PIK3CB: variants seen among roughly 807,000 people sequenced by gnomAD.
PIK3CB encodes phosphatidylinositol 4,5-bisphosphate 3-kinase catalytic subunit beta isoform.
A neutral mutation model predicts 136.8 loss-of-function variants in PIK3CB; 39 were observed. That is an observed-to-expected ratio of 0.29 (90% CI 0.22 to 0.37). PIK3CB has a LOEUF of 0.37. PIK3CB is among the 10% of genes least tolerant of loss of function. The probability of loss-of-function intolerance (pLI) is 1.00; values close to 1 mark genes in which losing one functional copy is unlikely to be tolerated. For missense variants in PIK3CB, 868 were observed against 1,275.4 expected, an observed-to-expected ratio of 0.68 and a Z score of 4.87; for synonymous variants, 428 against 436.6, an observed-to-expected ratio of 0.98 and a Z score of 0.25.
intron 19 of PIK3CB, among the ~76,000 whole-genome samples, chr3:138,672,060 G>GA (rs1274132540): frequency 3.3e-5 from 5 of 150,856 alleles, no homozygotes; most frequent in Non-Finnish European, 3.0e-5. Context: ...AGGCAAAAAG[G>GA]AAAAAAAAGG....
intron 16 of PIK3CB, among the ~76,000 whole-genome samples, chr3:138,686,011 C>T (rs1464148500): frequency 6.6e-6 from 1 of 151,830 alleles, no homozygotes; most frequent in Non-Finnish European, 1.5e-5. Flanking sequence ...GTGGTGTGCA[C>T]CTGTAATCCC....
chr3:138,802,393 A>G (rs2046187283), intron 1 of PIK3CB, among the ~76,000 whole-genome samples: 1 of 151,692 alleles, frequency 6.6e-6, no homozygotes, highest in Admixed American at 6.6e-5. Flanking sequence ...AAAGAAAGAA[A>G]GAAAGAAAGA....
Position 138,655,345 on chromosome 3 carries a change from A to T in PIK3CB, c.*44T>A. On this transcript the variant is annotated 3_prime_UTR_variant, in exon 24 of 24. Coordinates refer to ENST00000674063, the MANE Select transcript of PIK3CB (RefSeq NM_006219.3). ...CAATTTAGTGCAAGTGCAAAATGAA[A>T]ATGAAATGAAACCAACAAATACATT... The T allele has an allele frequency of 6.3e-7, 1 of 1,599,184 alleles. No homozygotes were observed. Among genetic ancestry groups the T allele is most frequent in the Non-Finnish European group, 8.6e-7 (1 of 1,168,940 alleles).
chr3:138,725,002 C>CG (rs1245482245), intron 8 of PIK3CB, among the ~76,000 whole-genome samples: 1 of 151,390 alleles, frequency 6.6e-6, no homozygotes, highest in African/African-American at 2.4e-5. Flanking sequence ...GAGGAAAATA[C>CG]GGGGAAGGTG....
intron 4 of PIK3CB, 43 bp downstream of exon 4, chr3:138,755,711 G>T (rs2108720878): frequency 1.1e-6 from 1 of 878,112 alleles, no homozygotes; most frequent in Non-Finnish European, 1.8e-6. Flanking sequence ...TATATAAATA[G>T]ATATATTAAG....
At chr3:138,689,218 T>TA (rs1469959559) in intron 15 of PIK3CB, among the ~76,000 whole-genome samples, 1 of 151,978 alleles carries the variant, frequency 6.6e-6, no homozygotes, top group Non-Finnish European at 1.5e-5. Context: ...TTGCCTAAAA[T>TA]AAAAAAGTGT....
chr3:138,669,604 T>A (rs1577052019), intron 19 of PIK3CB, among the ~76,000 whole-genome samples: 1 of 152,116 alleles, frequency 6.6e-6, no homozygotes. Flanking sequence ...CCTATAAGAT[T>A]TGCTTATTAC....
intron 12 of PIK3CB, among the ~76,000 whole-genome samples, chr3:138,703,760 C>T (rs2108547063): frequency 6.6e-6 from 1 of 152,250 alleles, no homozygotes; most frequent in South Asian, 2.1e-4. Flanking sequence ...TATCCATTCT[C>T]CACTTCTTCC....
chr3:138,796,378 C>T (rs1411695807), intron 2 of PIK3CB, 85 bp downstream of exon 2: 2 of 120,050 alleles, frequency 1.7e-5, no homozygotes, highest in African/African-American at 6.9e-5. Context: ...CAGCAAGACT[C>T]CACCTCAAAA....
intron 1 of PIK3CB, among the ~76,000 whole-genome samples, chr3:138,824,081 T>C (rs1933676018): frequency 2.0e-5 from 3 of 152,168 alleles, no homozygotes; most frequent in Admixed American, 1.3e-4. Flanking sequence ...AAATTTGAAA[T>C]CAGTAAATAT....
chr3:138,735,675 A>G (rs553989293), intron 6 of PIK3CB, among the ~76,000 whole-genome samples: 9 of 152,304 alleles, frequency 5.9e-5, no homozygotes, highest in Admixed American at 1.3e-4. Flanking sequence ...CCAGAGGCAT[A>G]TAAGAAAAGG....
intron 1 of PIK3CB, among the ~76,000 whole-genome samples, chr3:138,832,276 A>G (rs1354286535): frequency 6.6e-6 from 1 of 152,224 alleles, no homozygotes; most frequent in African/African-American, 2.4e-5. Context: ...TTGATTTTCA[A>G]CACTTCTAAA....
At chr3:138,669,781 C>G (rs1363528710) in intron 19 of PIK3CB, among the ~76,000 whole-genome samples, 6 of 152,060 alleles carry the variant, frequency 3.9e-5, no homozygotes, top group Non-Finnish European at 8.8e-5. Flanking sequence ...AGTACTAAAA[C>G]AGTAATGTAC....
intron 9 of PIK3CB, 52 bp from the exon 10 acceptor site, chr3:138,712,356 T>A: frequency 1.3e-6 from 1 of 765,274 alleles, no homozygotes; most frequent in Non-Finnish European, 2.1e-6. Flanking sequence ...CTTTAAGGTG[T>A]AAACATGCAC....
chr3:138,832,329 G>A (rs1934071849), intron 1 of PIK3CB, among the ~76,000 whole-genome samples: 1 of 152,138 alleles, frequency 6.6e-6, no homozygotes, highest in Non-Finnish European at 1.5e-5. Flanking sequence ...AATCAGGGGT[G>A]TAAATTAGAT....
intron 15 of PIK3CB, among the ~76,000 whole-genome samples, chr3:138,689,433 A>G (rs2043961520): frequency 6.6e-6 from 1 of 152,202 alleles, no homozygotes; most frequent in Admixed American, 6.5e-5. Context: ...AGCTGGGATT[A>G]TAGGCATGCG....
At chr3:138,792,727 G>A (rs1175420547) in intron 2 of PIK3CB, among the ~76,000 whole-genome samples, 1 of 152,108 alleles carries the variant, frequency 6.6e-6, no homozygotes, top group East Asian at 1.9e-4. Flanking sequence ...GATATATCAA[G>A]GAATTTTTAG....
chr3:138,756,825 G>A (rs1035750783), intron 3 of PIK3CB, among the ~76,000 whole-genome samples: 5 of 151,966 alleles, frequency 3.3e-5, no homozygotes, highest in African/African-American at 1.2e-4. Flanking sequence ...AAGAAAAAAA[G>A]GTAAACTGAA....
At chr3:138,693,992 A>ATATATT (rs2044081593) in intron 14 of PIK3CB, among the ~76,000 whole-genome samples, 1 of 113,324 alleles carries the variant, frequency 8.8e-6, no homozygotes, top group African/African-American at 3.3e-5. Context: ...ATATATATAT[A>ATATATT]TTTTAAACCC....
Sources: allele counts gnomAD v4.1 joint callset (sites outside exome capture counted in the v4.1 genomes callset), GRCh38; gene constraint gnomAD v4.1.1; transcripts MANE v1.5; gene names NCBI Gene and HGNC (gene_info 2026-07-23, HGNC 2026-07-21).